Variants in PDE10A observed in about 807,000 individuals in gnomAD.
PDE10A encodes phosphodiesterase 10A, also known as cAMP and cAMP-inhibited cGMP 3',5'-cyclic phosphodiesterase 10A.
In PDE10A, 39 loss-of-function variants were observed where a neutral mutation model predicts 97.7. The observed-to-expected ratio is 0.40, with a 90% CI of 0.31 to 0.52. The LOEUF (loss-of-function observed/expected upper bound fraction) is 0.52. Among genes scored for constraint, PDE10A ranks in the 20% least tolerant of loss-of-function variants. PDE10A has a pLI of 0.56. For missense variants in PDE10A, 731 were observed against 1,047.8 expected, an observed-to-expected ratio of 0.70 and a Z score of 4.17; for synonymous variants, 371 against 376.8, an observed-to-expected ratio of 0.98 and a Z score of 0.18.
chr6:165,441,456 A>G (rs183876419), intron 5 of PDE10A, among the ~76,000 whole-genome samples: 1 of 152,330 alleles, frequency 6.6e-6, no homozygotes, highest in East Asian at 1.9e-4. Flanking sequence ...TTATGGTGTA[A>G]CATTTAACTA....
chr6:165,493,823 G>C (rs1780362529), intron 2 of PDE10A, among the ~76,000 whole-genome samples: 1 of 151,932 alleles, frequency 6.6e-6, no homozygotes, highest in South Asian at 2.1e-4. Flanking sequence ...AAGATAGATG[G>C]GACTTCCTTA....
At chr6:165,666,917 C>T (rs561595925), upstream of PDE10A, among the ~76,000 whole-genome samples, 84 of 152,328 alleles carry the variant, frequency 5.5e-4, no homozygotes, top group African/African-American at 2.0e-3. Flanking sequence ...TGAAGGCCAG[C>T]ACACAATAGG....
intron 1 of PDE10A, among the ~76,000 whole-genome samples, chr6:165,729,841 C>T (rs57458095): frequency 0.078 from 11,876 of 152,104 alleles, 540 homozygotes; most frequent in African/African-American, 0.12. Flanking sequence ...TAGCTTCAGA[C>T]TTTCAGATAA....
intron 18 of PDE10A, among the ~76,000 whole-genome samples, chr6:165,358,797 A>G (rs1783199633): frequency 6.6e-6 from 1 of 151,830 alleles, no homozygotes; most frequent in Non-Finnish European, 1.5e-5. Flanking sequence ...TACTTTTACT[A>G]TTCAATATTT....
rs534342967 is a variant in PDE10A, at chr6:165,954,917, G to C, written c.-615+32612C>G. Among the ~76,000 whole-genome samples the C allele has an allele frequency of 1.4e-4, 21 of 152,216 alleles. No homozygotes were observed. In the South Asian group the frequency reaches 2.5e-3, roughly 18 times the overall value. On this transcript the variant is annotated intron_variant, in intron 1 of 19. Coordinates refer to the PDE10A transcript ENST00000366882. ...TGAATTAGCTAAAGCAACAGGCTTT[G>C]TTATTGCAGGGAATTAACAGCAATA...
chr6:165,817,070 C>T (rs1262820356), intron 1 of PDE10A, among the ~76,000 whole-genome samples: 1 of 152,140 alleles, frequency 6.6e-6, no homozygotes, highest in Non-Finnish European at 1.5e-5. Flanking sequence ...CAACCGTGCT[C>T]AGGAAGGTTA....
At chr6:165,794,354 G>A (rs1778762630) in intron 1 of PDE10A, among the ~76,000 whole-genome samples, 1 of 148,024 alleles carries the variant, frequency 6.8e-6, no homozygotes, top group African/African-American at 2.5e-5. Context: ...GACTCACACA[G>A]ATGCTCACAC....
At chr6:165,955,445 C>T (rs796479971) in intron 1 of PDE10A, among the ~76,000 whole-genome samples, 1 of 152,304 alleles carries the variant, frequency 6.6e-6, no homozygotes, top group East Asian at 1.9e-4. Flanking sequence ...TTTGCTCACA[C>T]ACCTTTGCCA....
At chr6:165,732,883 G>A (rs1792475447) in intron 1 of PDE10A, among the ~76,000 whole-genome samples, 1 of 152,174 alleles carries the variant, frequency 6.6e-6, no homozygotes, top group Non-Finnish European at 1.5e-5. Flanking sequence ...ACCAAGCACA[G>A]CTGGCCTCCG....
intron 1 of PDE10A, among the ~76,000 whole-genome samples, chr6:165,608,464 G>C (rs1376206771): frequency 6.6e-6 from 1 of 151,994 alleles, no homozygotes; most frequent in Admixed American, 6.6e-5. Flanking sequence ...TGGCTGCATA[G>C]TATTCCATGG....
intron 10 of PDE10A, among the ~76,000 whole-genome samples, chr6:165,424,078 G>A (rs1214492211): frequency 6.6e-6 from 1 of 152,028 alleles, no homozygotes; most frequent in Non-Finnish European, 1.5e-5. Flanking sequence ...TTTCTACACA[G>A]GAGCACACTG....
intron 1 of PDE10A, among the ~76,000 whole-genome samples, chr6:165,816,671 T>C (rs779563797): frequency 5.9e-5 from 9 of 152,234 alleles, no homozygotes; most frequent in Non-Finnish European, 4.4e-5. Flanking sequence ...ATACACATAA[T>C]GCAGTCAAAT....
chr6:165,712,079 G>A (rs543327764), intron 1 of PDE10A, among the ~76,000 whole-genome samples: 32 of 152,276 alleles, frequency 2.1e-4, no homozygotes, highest in African/African-American at 7.5e-4. Flanking sequence ...CAGTGGTGAA[G>A]TGAGTGGACA....
intron 2 of PDE10A, among the ~76,000 whole-genome samples, chr6:165,530,431 C>G (rs1241701084): frequency 1.3e-5 from 2 of 151,134 alleles, no homozygotes; most frequent in Non-Finnish European, 2.9e-5. Flanking sequence ...CTTAAACAAA[C>G]CAACAAGCGA....
At chr6:165,352,073 C>A (rs892305948) in intron 18 of PDE10A, among the ~76,000 whole-genome samples, 1 of 152,102 alleles carries the variant, frequency 6.6e-6, no homozygotes, top group Non-Finnish European at 1.5e-5. Flanking sequence ...AGGCTGGTCT[C>A]GAACTCCTGA....
chr6:165,761,777 CA>C (rs1373286703), intron 1 of PDE10A, among the ~76,000 whole-genome samples: 1 of 151,650 alleles, frequency 6.6e-6, no homozygotes, highest in East Asian at 1.9e-4. Flanking sequence ...TATCACTTTT[CA>C]AAAAACAATG....
chr6:165,543,598 A>G, intron 1 of PDE10A, 30 bp from the exon 2 acceptor site: 2 of 1,564,556 alleles, frequency 1.3e-6, no homozygotes, highest in Admixed American at 1.7e-5. Flanking sequence ...AATAAAATTC[A>G]CCTATACAAC....
intron 1 of PDE10A, among the ~76,000 whole-genome samples, chr6:165,757,793 G>T (rs1793152021): frequency 6.6e-6 from 1 of 152,160 alleles, no homozygotes; most frequent in Non-Finnish European, 1.5e-5. Context: ...TTTGCCATAT[G>T]ACCTTTGGAG....
chr6:165,482,269 T>A, intron 3 of PDE10A, 46 bp downstream of exon 3: 2 of 1,290,924 alleles, frequency 1.5e-6, no homozygotes, highest in Non-Finnish European at 2.3e-6. Flanking sequence ...CAAAACAGAT[T>A]CATTTCCTAT....
Sources: gnomAD v4.1 joint callset for allele counts (sites outside exome capture counted in the v4.1 genomes callset) on GRCh38, gnomAD v4.1.1 for gene constraint, MANE v1.5 for transcripts, NCBI Gene and HGNC (gene_info 2026-07-23, HGNC 2026-07-21) for gene names.